COL3A1: variants seen among roughly 807,000 people sequenced by gnomAD.
COL3A1 encodes collagen alpha-1(III) chain.
Under a neutral mutation model 200.9 loss-of-function variants are expected in COL3A1, and 46 were observed. The ratio of observed to expected loss-of-function variants is 0.23; its 90% CI spans 0.18 to 0.29. COL3A1 has a LOEUF of 0.29. Ranked by LOEUF, COL3A1 falls within the 10% of genes least tolerant of loss-of-function variation. COL3A1 has a pLI of 1.00. For synonymous variants in COL3A1, 650 were observed against 628.0 expected (o/e 1.03, Z -0.52); for missense variants, 1,367 against 1,917.6 (o/e 0.71, Z 5.36).
rs1688524352 is a variant in COL3A1 at position 189,003,782 on chromosome 2, A to G, written c.2656A>G (p.Ser886Gly). 1.2e-6 allele frequency: 2 copies of G among 1,613,920 alleles called. No individual in the cohort carries two copies. Residue 886 changes from serine (S) to glycine (G), a missense_variant, in exon 38 of 51, where the codon AGT (serine) becomes GGT (glycine). By Grantham distance (56) the Ser-to-Gly change is moderately conservative. Coordinates refer to ENST00000304636, the MANE Select transcript of COL3A1 (RefSeq NM_000090.4). ...TCGTGGTCTTCCTGGTCCTCCTGGT[A>G]GTAATGTAAGTAATTGTTAAAGTCT... Reference protein sequence around the residue: ...GARGLPGPPGSNGNPGPPGPS... With the variant: ...GARGLPGPPGGNGNPGPPGPS...
chr2:188,999,275 T>A lies in COL3A1; in HGVS notation c.2023-10T>A. 1.9e-6 allele frequency: 3 copies of A among 1,560,116 alleles called. No individual in the cohort carries two copies. Among genetic ancestry groups the A allele is most frequent in the Non-Finnish European group, 2.6e-6 (3 of 1,151,400 alleles). ...TGTCTAATATGGTTATTTACATATTTTTGTCACAGGGTGATGCTGGTGCCC... is the reference window on the plus strand; with the variant it reads ...TGTCTAATATGGTTATTTACATATTATTGTCACAGGGTGATGCTGGTGCCC... On this transcript the variant is annotated splice_polypyrimidine_tract_variant and intron_variant, in intron 29 of 50. Transcript: ENST00000304636.
chr2:189,003,325 G>A, intron 36 of COL3A1, 86 bp from the exon 37 acceptor site: 9 of 1,154,112 alleles, frequency 7.8e-6, no homozygotes, highest in Non-Finnish European at 1.2e-5. Context: ...CCTCTTCATA[G>A]AGTTCCTGGT....
chr2:188,975,572 C>T (rs1687791324), intron 1 of COL3A1, among the ~76,000 whole-genome samples: 1 of 152,038 alleles, frequency 6.6e-6, no homozygotes, highest in Admixed American at 6.6e-5. Flanking sequence ...CATAACTAAA[C>T]ATGGTTACAT....
At chr2:189,008,576 C>T (rs1411129554) in intron 47 of COL3A1, 2 of 411,804 alleles carry the variant, frequency 4.9e-6, no homozygotes, top group African/African-American at 4.1e-5. Context: ...GAAATAAAAA[C>T]AATTATCCCA....
rs557759394 is a variant in COL3A1, at chr2:188,994,239, C to T, written c.1200C>T (p.Pro400=). 1.3e-5 allele frequency: 21 copies of T among 1,614,058 alleles called. No homozygotes were observed. The East Asian group carries it at 1.8e-4, about 14-fold the overall frequency. ...GSPGGKGEMG[P]AGIPGAPGLM... is the part of the protein sequence containing the mutation. ...TGTCTTTGGTTTGTTCTTAGGGTCC[C>T]GCTGGCATTCCTGGAGCTCCTGGAC... The change falls in exon 18 of 51, where the codon CCC becomes CCT. Residue 400 remains proline, a synonymous_variant. Coordinates refer to ENST00000304636, the MANE Select transcript of COL3A1 (RefSeq NM_000090.4). This position sits in a 1 kb window ranked among gnomAD's most constrained non-coding sequence, Gnocchi z 4.5.
At chr2:189,004,204 A>G in intron 39 of COL3A1, 53 bp from the exon 40 acceptor site, 1 of 1,606,982 alleles carries the variant, frequency 6.2e-7, no homozygotes, top group Non-Finnish European at 8.5e-7. Flanking sequence ...CAAATCGATT[A>G]GAGAAAAACA....
chr2:188,991,669 G>A lies in COL3A1; in HGVS notation c.898G>A (p.Gly300Ser). 6.2e-7 allele frequency: 1 copy of A among 1,613,864 alleles called. No individual in the cohort carries two copies. The highest frequency in any genetic ancestry group is 8.5e-7 in the Non-Finnish European group (1 of 1,179,898). Residue 300 changes from glycine to serine, a missense_variant and splice_region_variant, in exon 13 of 51, where the codon GGT becomes AGT. Around this residue, in one of 5 missense-constraint regions of COL3A1, gnomAD observed 462 missense variants for 681.4 expected, o/e 0.68. Transcript: ENST00000304636. ...PGENGAPGPM[G>S]PRGAPGERGR... ...ACCATATTTCAATTTTACTCTGTAG[G>A]GTCCAAGAGGGGCTCCTGGTGAGCG...
chr2:188,983,280 T>C (rs983233732), intron 1 of COL3A1, among the ~76,000 whole-genome samples: 2 of 151,922 alleles, frequency 1.3e-5, no homozygotes, highest in African/African-American at 4.8e-5. Context: ...GTAAACTACA[T>C]TGAGAAATTG....
Position 189,009,123 on chromosome 2 carries a change from A to G in COL3A1, c.3725A>G (p.Asn1242Ser). 6.2e-7 allele frequency: 1 copy of G among 1,614,240 alleles called. No individual in the cohort carries two copies. The highest frequency in any genetic ancestry group is 8.5e-7 in the Non-Finnish European group (1 of 1,180,030). ...DEIMTSLKSVNGQIESLISPD... is the reference protein window; with the variant it reads ...DEIMTSLKSVSGQIESLISPD... Reference sequence around the variant, plus strand: ...ATTATGACTTCACTCAAGTCTGTTAATGGACAAATAGAAAGCCTCATTAGT... The same window carrying G: ...ATTATGACTTCACTCAAGTCTGTTAGTGGACAAATAGAAAGCCTCATTAGT... Residue 1242 changes from asparagine to serine, a missense_variant, in exon 48 of 51, where the codon AAT becomes AGT. This residue lies in a region of COL3A1 where 846 missense variants were observed against 1,147.9 expected (regional missense o/e 0.74). Coordinates refer to ENST00000304636, the MANE Select transcript of COL3A1 (RefSeq NM_000090.4).
intron 48 of COL3A1, among the ~76,000 whole-genome samples, chr2:189,009,816 G>A (rs978787192): frequency 6.6e-6 from 1 of 152,084 alleles, no homozygotes; most frequent in African/African-American, 2.4e-5. Flanking sequence ...TTCAGCTTTA[G>A]AACTATTGGA....
chr2:188,996,437 C>T lies in COL3A1; in HGVS notation c.1702C>T (p.Pro568Ser). 1.2e-6 allele frequency: 2 copies of T among 1,613,786 alleles called. No individual in the cohort carries two copies. Among genetic ancestry groups the T allele is most frequent in the Non-Finnish European group, 1.7e-6 (2 of 1,179,934 alleles). Reference protein sequence around the residue: ...GESGRPGPPGPSGPRGQPGVM... With the variant: ...GESGRPGPPGSSGPRGQPGVM... ...AAGTGGTCGACCAGGTCCTCCTGGG[C>T]CATCTGGTCCCCGAGGTCAGCCTGG... The change falls in exon 24 of 51, where the codon CCA becomes TCA. Residue 568 changes from proline to serine, a missense_variant. Physicochemically the swap from Pro to Ser is moderately conservative, Grantham distance 74 (BLOSUM62 -1). This residue lies in a region of COL3A1 where 462 missense variants were observed against 681.4 expected (regional missense o/e 0.68). Coordinates refer to ENST00000304636, the MANE Select transcript of COL3A1 (RefSeq NM_000090.4).
rs200811296 is a variant in COL3A1, at chr2:188,987,355, T to TA, written c.528+227dup. On this transcript the variant is annotated intron_variant, in intron 5 of 50. Coordinates refer to ENST00000304636, the MANE Select transcript of COL3A1 (RefSeq NM_000090.4). Reference sequence around the variant, plus strand: ...TTTTTAATCACATATAAATTTTTACTAAAAAAAAAAACCAAAGTCAACACT... The same window carrying TA: ...TTTTTAATCACATATAAATTTTTACTAAAAAAAAAAAACCAAAGTCAACACT... 0.12 allele frequency among the ~76,000 whole-genome samples: 16,983 copies of TA among 143,834 alleles called. 2,272 individuals are homozygous for TA. Among genetic ancestry groups the TA allele is most frequent in the African/African-American group, 0.34 (13,439 of 39,948 alleles). The allele number at this position is 143,834 out of a possible 152,430, so 94.4% of individuals were successfully genotyped here. A position where few individuals can be genotyped will look rare whatever the true frequency, so the allele number is the denominator to read the frequency against.
chr2:188,992,307 G>A (rs1688206270), intron 14 of COL3A1, 79 bp downstream of exon 14: 3 of 1,197,806 alleles, frequency 2.5e-6, no homozygotes, highest in South Asian at 2.5e-5. Flanking sequence ...TTTTATATAT[G>A]TATATACTCT....
intron 35 of COL3A1, 27 bp from the exon 36 acceptor site, chr2:189,002,926 TGA>T: frequency 6.9e-7 from 1 of 1,448,570 alleles, no homozygotes; most frequent in African/African-American, 1.4e-5. Flanking sequence ...GAGTGTCAGC[TGA>T]GAGATTGCTG....
rs775387606 is a variant in COL3A1, at chr2:189,007,620, A to G, written c.3363+13A>G. 6.3e-7 allele frequency: 1 copy of G among 1,599,588 alleles called. No individual in the cohort carries two copies. The highest frequency in any genetic ancestry group is 8.5e-7 in the Non-Finnish European group (1 of 1,169,888). On this transcript the variant is annotated intron_variant, in intron 45 of 50. Coordinates refer to ENST00000304636, the MANE Select transcript of COL3A1 (RefSeq NM_000090.4). ...CCCAGGTTCTCCAGTAAGTGCATTC[A>G]TTTTGTTGGAAAATCCCTTCAATGT...
In COL3A1 at chr2:189,010,585, T is replaced by C; in HGVS notation, c.4012-63T>C. 2.5e-6 allele frequency: 4 copies of C among 1,606,626 alleles called. No homozygotes were observed. In the South Asian group the frequency reaches 4.4e-5, roughly 18 times the overall value. On this transcript the variant is annotated intron_variant, in intron 49 of 50. Transcript: ENST00000304636. ...TTACAATATGCATACACATACTACATGAATCCCTCGCGTGCAGTTACAACT... is the reference window on the plus strand; with the variant it reads ...TTACAATATGCATACACATACTACACGAATCCCTCGCGTGCAGTTACAACT...
rs1425504057 is a variant in COL3A1, at chr2:188,994,811, C to T, written c.1435C>T (p.Pro479Ser). Reference protein sequence around the residue: ...SPGEPGANGLPGAAGERGAPG... With the variant: ...SPGEPGANGLSGAAGERGAPG... ...TGGAGAACCTGGTGCAAATGGGCTT[C>T]CAGGAGCTGCAGGAGAAAGGGTACG... The change falls in exon 20 of 51, where the codon CCA becomes TCA. Residue 479 changes from proline (P) to serine (S), a missense_variant. Physicochemically the swap from Pro to Ser is moderately conservative, Grantham distance 74 (BLOSUM62 -1). This residue lies in a region of COL3A1 where 462 missense variants were observed against 681.4 expected (regional missense o/e 0.68). Transcript: ENST00000304636. The surrounding 1 kb of genome is among the most constrained non-coding windows in gnomAD (Gnocchi z 4.5). 1.2e-6 allele frequency: 2 copies of T among 1,613,300 alleles called. No homozygotes were observed. Among genetic ancestry groups the T allele is most frequent in the Admixed American group, 3.3e-5 (2 of 59,958 alleles).
chr2:189,009,768 A>AT (rs1367301466), intron 48 of COL3A1, among the ~76,000 whole-genome samples: 1 of 152,208 alleles, frequency 6.6e-6, no homozygotes, highest in Non-Finnish European at 1.5e-5. Flanking sequence ...ATTTCTAGAA[A>AT]TTACTTAAAA....
Position 188,998,738 on chromosome 2 carries a change from T to G in COL3A1, c.2022+20T>G, listed in dbSNP as rs763994411. On this transcript the variant is annotated intron_variant, in intron 29 of 50. Coordinates refer to ENST00000304636, the MANE Select transcript of COL3A1 (RefSeq NM_000090.4). The stretch of plus-strand genomic sequence containing the variant: ...GGCAAGGTAGTATTTCAATTTATTC[T>G]CTACCTTCTTCAGCAGGTTATAGAG... 14 of 1,610,664 alleles carry G rather than the reference T, an allele frequency of 8.7e-6. No individual in the cohort carries two copies. In the South Asian group the frequency reaches 1.1e-4, roughly 13 times the overall value.
Sources: allele counts gnomAD v4.1 joint callset (sites outside exome capture counted in the v4.1 genomes callset), GRCh38; gene constraint gnomAD v4.1.1; regional missense constraint gnomAD v4.1.1; non-coding constraint Gnocchi (gnomAD v3.1); transcripts MANE v1.5; gene names NCBI Gene and HGNC (gene_info 2026-07-23, HGNC 2026-07-21).